MIPEP: variants seen among roughly 807,000 people sequenced by gnomAD.
MIPEP encodes the protein mitochondrial intermediate peptidase.
MIPEP carries 79 observed loss-of-function variants against 90.3 expected under a neutral mutation model. That is an observed-to-expected ratio of 0.87 (90% CI 0.73 to 1.05). The LOEUF (loss-of-function observed/expected upper bound fraction) is 1.05. MIPEP is among the 50% of genes least tolerant of loss of function. The pLI is 0.00. For synonymous variants in MIPEP, 334 were observed against 315.8 expected (o/e 1.06, Z -0.61); for missense variants, 940 against 905.6 (o/e 1.04, Z -0.49).
At chr13:23,762,162 T>C (rs943715680) in intron 16 of MIPEP, among the ~76,000 whole-genome samples, 1 of 152,096 alleles carries the variant, frequency 6.6e-6, no homozygotes, top group Admixed American at 6.6e-5. Context: ...TAAACAACTT[T>C]TTTAAAAAGC....
chr13:23,854,139 C>T (rs1285747255), intron 10 of MIPEP, among the ~76,000 whole-genome samples: 15 of 149,608 alleles, frequency 1.0e-4, no homozygotes, highest in African/African-American at 3.4e-4. Flanking sequence ...TCCTGGCTAA[C>T]ACGGTGAAAC....
intron 15 of MIPEP, among the ~76,000 whole-genome samples, chr13:23,806,762 A>ATCTG (rs775484471): frequency 6.0e-5 from 9 of 149,738 alleles, no homozygotes; most frequent in Non-Finnish European, 7.4e-5. Flanking sequence ...CTATCTATCT[A>ATCTG]TCTGTAGGCA....
intron 14 of MIPEP, among the ~76,000 whole-genome samples, chr13:23,822,499 C>T (rs1026240133): frequency 4.6e-5 from 7 of 152,174 alleles, no homozygotes; most frequent in African/African-American, 1.4e-4. Flanking sequence ...CATCCTATCC[C>T]GATGATGCAT....
chr13:23,843,097 CAAAAA>C (rs397977292), intron 10 of MIPEP, among the ~76,000 whole-genome samples: 2 of 53,562 alleles, frequency 3.7e-5, no homozygotes, highest in African/African-American at 6.1e-5. Flanking sequence ...CTCTCCATCT[CAAAAA>C]AAAAAAAAAA....
intron 7 of MIPEP, among the ~76,000 whole-genome samples, chr13:23,864,551 C>T (rs1870445427): frequency 6.6e-6 from 1 of 151,982 alleles, no homozygotes; most frequent in Non-Finnish European, 1.5e-5. Flanking sequence ...GCAAGGCCAA[C>T]AGGCTGAAAC....
At chr13:23,768,420 T>C (rs571124415) in intron 16 of MIPEP, among the ~76,000 whole-genome samples, 37 of 152,310 alleles carry the variant, frequency 2.4e-4, no homozygotes, top group African/African-American at 8.9e-4. Flanking sequence ...GTAAATACTA[T>C]AGTTTAAAAT....
intron 16 of MIPEP, among the ~76,000 whole-genome samples, chr13:23,773,282 A>G (rs1271234544): frequency 6.6e-6 from 1 of 152,168 alleles, no homozygotes; most frequent in East Asian, 1.9e-4. Flanking sequence ...TTCAAAGTCT[A>G]TCCATGTTGT....
At chr13:23,802,327 C>A (rs1275974454) in intron 16 of MIPEP, among the ~76,000 whole-genome samples, 1 of 152,144 alleles carries the variant, frequency 6.6e-6, no homozygotes, top group African/African-American at 2.4e-5. Context: ...GTAATCCTAG[C>A]ACTTTGGGAG....
rs1172858713 is a variant in MIPEP at position 23,760,126 on chromosome 13, T to C, written c.1940A>G (p.Lys647Arg). 3.7e-6 allele frequency: 6 copies of C among 1,614,014 alleles called. No homozygotes were observed. The highest frequency in any genetic ancestry group is 5.1e-6 in the Non-Finnish European group (6 of 1,180,022). ...MSRAVASMVW[K>R]ECFLQDPFNR... ...GAAAGGATCCTGTAGAAAACACTCC[T>C]TCCAAACCATGGAGGCGACCGCTCT... The change falls in exon 17 of 19, where the codon AAG becomes AGG. Residue 647 changes from lysine to arginine, a missense_variant. By Grantham distance (26) the Lys-to-Arg change is conservative. Transcript: ENST00000382172.
Position 23,889,218 on chromosome 13 carries a change from T to G in MIPEP, c.103A>C (p.Arg35=). The change falls in exon 1 of 19, where the codon AGG becomes CGG. Residue 35 remains arginine, a synonymous_variant. Coordinates refer to ENST00000382172, the MANE Select transcript of MIPEP (RefSeq NM_005932.4). The stretch of plus-strand genomic sequence containing the variant: ...ACGGGAGACCAGCTGGTGCTGACCC[T>G]TCGGGCCCGGATCCCGGCTTCGAGG... The part of the protein sequence containing the change: ...GSLEAGIRAR[R]VSTSWSPVGA... 1 of 1,426,752 alleles carries G rather than the reference T, an allele frequency of 7.0e-7. No homozygotes were observed. Among genetic ancestry groups the G allele is most frequent in the Non-Finnish European group, 9.2e-7 (1 of 1,091,806 alleles). The allele number at this position is 1,426,752 out of a possible 1,614,324, so 88.4% of individuals were successfully genotyped here. A position where few individuals can be genotyped will look rare whatever the true frequency, so the allele number is the denominator to read the frequency against.
intron 10 of MIPEP, among the ~76,000 whole-genome samples, chr13:23,855,910 A>G (rs893255771): frequency 1.3e-5 from 2 of 152,236 alleles, no homozygotes; most frequent in Admixed American, 6.5e-5. Context: ...AGCAGGTGGA[A>G]GACTCCATCA....
intron 14 of MIPEP, among the ~76,000 whole-genome samples, chr13:23,834,407 C>T (rs897101676): frequency 2.6e-5 from 4 of 152,176 alleles, no homozygotes; most frequent in African/African-American, 9.6e-5. Flanking sequence ...GGTTGCTCCT[C>T]CCCTCTCCTG....
intron 3 of MIPEP, among the ~76,000 whole-genome samples, chr13:23,880,536 C>T (rs374230658): frequency 2.0e-5 from 3 of 152,202 alleles, no homozygotes; most frequent in Non-Finnish European, 2.9e-5. Flanking sequence ...GACCAGCCCA[C>T]GTCTAATTCG....
At chr13:23,734,441 T>G (rs1952238646) in intron 18 of MIPEP, among the ~76,000 whole-genome samples, 1 of 152,180 alleles carries the variant, frequency 6.6e-6, no homozygotes, top group South Asian at 2.1e-4. Context: ...TCAGACTGAG[T>G]CAAGGAAACT....
At chr13:23,762,782 T>C (rs1952561517) in intron 16 of MIPEP, among the ~76,000 whole-genome samples, 1 of 152,146 alleles carries the variant, frequency 6.6e-6, no homozygotes. Context: ...CCTCACAGGA[T>C]ACCCCAACTT....
At chr13:23,780,429 AC>A (rs893371195) in intron 16 of MIPEP, among the ~76,000 whole-genome samples, 21 of 152,376 alleles carry the variant, frequency 1.4e-4, no homozygotes, top group African/African-American at 4.3e-4. Context: ...AACAGAAAGG[AC>A]ATCCACACCA....
chr13:23,866,897 G>T (rs1870565449), intron 7 of MIPEP, among the ~76,000 whole-genome samples: 1 of 152,140 alleles, frequency 6.6e-6, no homozygotes, highest in Admixed American at 6.5e-5. Flanking sequence ...TTAGTTAACA[G>T]TAGTAACTCA....
chr13:23,813,580 C>T (rs1033612308), intron 14 of MIPEP, among the ~76,000 whole-genome samples: 5 of 152,062 alleles, frequency 3.3e-5, no homozygotes, highest in Non-Finnish European at 7.4e-5. Flanking sequence ...TTATGTATAT[C>T]TATAAAAAAA....
chr13:23,776,067 C>T (rs554705791), intron 16 of MIPEP, among the ~76,000 whole-genome samples: 3 of 152,088 alleles, frequency 2.0e-5, no homozygotes, highest in African/African-American at 7.2e-5. Flanking sequence ...AGATTGTTTT[C>T]TCCCTGCCTT....
Sources: allele counts gnomAD v4.1 joint callset (sites outside exome capture counted in the v4.1 genomes callset), GRCh38; gene constraint gnomAD v4.1.1; transcripts MANE v1.5; gene names NCBI Gene and HGNC (gene_info 2026-07-23, HGNC 2026-07-21).